The following STK32B variants were observed in gnomAD, a reference collection of about 807,000 sequenced individuals.
The protein encoded by STK32B is serine/threonine-protein kinase 32B.
STK32B carries 43 observed loss-of-function variants against 52.6 expected under a neutral mutation model. That is an observed-to-expected ratio of 0.82 (90% CI 0.64 to 1.05). STK32B has a LOEUF of 1.05. Among genes scored for constraint, STK32B ranks in the 50% least tolerant of loss-of-function variants. The probability of loss-of-function intolerance (pLI) is 0.00; values close to 1 mark genes in which losing one functional copy is unlikely to be tolerated. For missense variants in STK32B, 621 were observed against 534.6 expected, an observed-to-expected ratio of 1.16 and a Z score of -1.59; for synonymous variants, 238 against 204.3, an observed-to-expected ratio of 1.17 and a Z score of -1.41.
intron 6 of STK32B, among the ~76,000 whole-genome samples, chr4:5,446,458 C>T (rs866873864): frequency 5.3e-5 from 8 of 151,288 alleles, no homozygotes; most frequent in South Asian, 2.1e-4. Flanking sequence ...CTCAGCTGCT[C>T]GGCAGGCTGA....
intron 4 of STK32B, among the ~76,000 whole-genome samples, chr4:5,366,806 T>A (rs1264490002): frequency 6.6e-6 from 1 of 152,206 alleles, no homozygotes; most frequent in Non-Finnish European, 1.5e-5. Flanking sequence ...ATATCAGTAG[T>A]GGCCCTGATG....
chr4:5,418,394 C>T (rs1264335631), intron 6 of STK32B, among the ~76,000 whole-genome samples: 1 of 152,182 alleles, frequency 6.6e-6, no homozygotes, highest in Non-Finnish European at 1.5e-5. Flanking sequence ...TCCCCATTTA[C>T]CATTGCAAAT....
chr4:5,211,352 A>G (rs1042638157), intron 3 of STK32B, among the ~76,000 whole-genome samples: 3 of 152,136 alleles, frequency 2.0e-5, no homozygotes, highest in African/African-American at 7.2e-5. Flanking sequence ...TCTGGGAGAG[A>G]GAAATAGGGA....
intron 3 of STK32B, among the ~76,000 whole-genome samples, chr4:5,249,621 G>GT (rs1725772389): frequency 1.3e-5 from 2 of 151,916 alleles, no homozygotes; most frequent in Non-Finnish European, 2.9e-5. Context: ...TGAAACATAG[G>GT]TTTAACATTT....
At position 5,448,923 on chromosome 4, in the gene STK32B, TCATATTTATCCA is replaced by T. The variant is rs145307872; in HGVS notation, c.666+2148_666+2159del. The stretch of plus-strand genomic sequence containing the variant: ...GTCAAAAAGCTGTGCTGAAAAACAC[TCATATTTATCCA>T]TGGACTACGTAAATTTAGGAGTTAT... On this transcript the variant is annotated intron_variant, in intron 7 of 11. Transcript: ENST00000282908. Among the ~76,000 whole-genome samples the T allele has an allele frequency of 9.7e-3, 1,481 of 152,300 alleles. 31 individuals carry two copies. The highest frequency in any genetic ancestry group is 0.034 in the African/African-American group (1,394 of 41,556).
chr4:5,140,621 C>T (rs544092413), intron 2 of STK32B, among the ~76,000 whole-genome samples: 1 of 152,208 alleles, frequency 6.6e-6, no homozygotes, highest in South Asian at 2.1e-4. Context: ...CGGGAAGTGT[C>T]AAAACTGGGA....
chr4:5,139,802 A>G (rs1716293408), intron 1 of STK32B, 103 bp from the exon 2 acceptor site: 1 of 1,355,120 alleles, frequency 7.4e-7, no homozygotes, highest in African/African-American at 1.4e-5. Flanking sequence ...ACCTGACCCA[A>G]GAGCCTTTGG....
intron 1 of STK32B, 143 bp downstream of exon 1, chr4:5,052,058 C>T: frequency 1.5e-6 from 2 of 1,297,318 alleles, no homozygotes; most frequent in East Asian, 2.6e-5. Context: ...GCAGTGTGTG[C>T]CCGACCCGTG....
intron 3 of STK32B, among the ~76,000 whole-genome samples, chr4:5,205,603 G>A (rs1434608962): frequency 6.6e-6 from 1 of 152,256 alleles, no homozygotes; most frequent in East Asian, 1.9e-4. Context: ...CATCTTGGTT[G>A]AGCTGTAATT....
intron 3 of STK32B, among the ~76,000 whole-genome samples, chr4:5,171,306 G>A (rs1340669385): frequency 6.6e-6 from 1 of 152,132 alleles, no homozygotes; most frequent in Non-Finnish European, 1.5e-5. Flanking sequence ...AAGCTCTTTA[G>A]TTTAATGAGA....
chr4:5,368,873 G>A (rs184982752), intron 4 of STK32B, among the ~76,000 whole-genome samples: 114 of 152,282 alleles, frequency 7.5e-4, no homozygotes, highest in Non-Finnish European at 1.4e-3. Context: ...AGATGCTGGG[G>A]CAGAGGAGGG....
At chr4:5,497,874 C>G (rs990898480) in intron 11 of STK32B, among the ~76,000 whole-genome samples, 1 of 152,116 alleles carries the variant, frequency 6.6e-6, no homozygotes, top group African/African-American at 2.4e-5. Context: ...TGTTGACAAC[C>G]TGCTCTGCAC....
At chr4:5,317,204 A>ATATATATAACATATATAT (rs1731055561) in intron 3 of STK32B, among the ~76,000 whole-genome samples, 4 of 48,438 alleles carry the variant, frequency 8.3e-5, no homozygotes, top group Non-Finnish European at 1.2e-4. Flanking sequence ...TATATATATT[A>ATATATATAACATATATAT]TATATATAAC....
chr4:5,153,945 G>C (rs753472593), intron 2 of STK32B, among the ~76,000 whole-genome samples: 4 of 152,082 alleles, frequency 2.6e-5, no homozygotes, highest in African/African-American at 9.7e-5. Context: ...TTTTGGTTCT[G>C]TAATCAAAGT....
chr4:5,401,472 C>G (rs763145960), intron 5 of STK32B, among the ~76,000 whole-genome samples: 4 of 152,216 alleles, frequency 2.6e-5, no homozygotes, highest in Admixed American at 2.0e-4. Context: ...ACACAAAATC[C>G]AAGCATCTCT....
chr4:5,446,557 A>T, intron 6 of STK32B, 116 bp from the exon 7 acceptor site: 1 of 868,552 alleles, frequency 1.2e-6, no homozygotes, highest in Non-Finnish European at 1.7e-6. Flanking sequence ...ACTCTATCTC[A>T]AAAAAAAACA....
intron 3 of STK32B, among the ~76,000 whole-genome samples, chr4:5,200,386 A>G (rs1328551272): frequency 6.6e-6 from 1 of 151,888 alleles, no homozygotes; most frequent in African/African-American, 2.4e-5. Context: ...CATTTGCTGA[A>G]CTGGCCGAGA....
At chr4:5,087,712 A>G (rs1302249864) in intron 1 of STK32B, among the ~76,000 whole-genome samples, 1 of 152,012 alleles carries the variant, frequency 6.6e-6, no homozygotes, top group East Asian at 1.9e-4. Flanking sequence ...AGGATATTAT[A>G]TAATAATAAA....
chr4:5,256,857 G>A (rs1310660883), intron 3 of STK32B, among the ~76,000 whole-genome samples: 3 of 152,178 alleles, frequency 2.0e-5, no homozygotes, highest in Non-Finnish European at 4.4e-5. Context: ...TTCCTGGTGA[G>A]ATGGAGCTGT....
Sources: allele counts gnomAD v4.1 joint callset (sites outside exome capture counted in the v4.1 genomes callset), GRCh38; gene constraint gnomAD v4.1.1; transcripts MANE v1.5; gene names NCBI Gene and HGNC (gene_info 2026-07-23, HGNC 2026-07-21).